Variants in GRID1 observed in about 807,000 individuals in gnomAD.
The protein encoded by GRID1 is glutamate ionotropic receptor delta type subunit 1.
In GRID1, 28 loss-of-function variants were observed where a neutral mutation model predicts 98.0. The ratio of observed to expected loss-of-function variants is 0.29; its 90% CI spans 0.21 to 0.39. GRID1 has a LOEUF of 0.39. Ranked by LOEUF, GRID1 falls within the 10% of genes least tolerant of loss-of-function variation. GRID1 has a pLI of 1.00. For synonymous variants in GRID1, 553 were observed against 538.5 expected (o/e 1.03, Z -0.37); for missense variants, 1,111 against 1,340.5 (o/e 0.83, Z 2.67).
intron 13 of GRID1, among the ~76,000 whole-genome samples, chr10:85,639,989 A>G (rs762441419): frequency 2.6e-5 from 4 of 152,250 alleles, no homozygotes; most frequent in Non-Finnish European, 5.9e-5. Flanking sequence ...TTTAGACCCT[A>G]TACATTGGTA....
chr10:86,035,842 A>C (rs1402605058), intron 4 of GRID1, among the ~76,000 whole-genome samples: 1 of 152,212 alleles, frequency 6.6e-6, no homozygotes, highest in Non-Finnish European at 1.5e-5. Context: ...GCCCAGTGAA[A>C]ATAGCAGGTG....
intron 4 of GRID1, among the ~76,000 whole-genome samples, chr10:85,943,058 G>C (rs189297445): frequency 8.5e-5 from 13 of 152,232 alleles, no homozygotes; most frequent in Non-Finnish European, 1.6e-4. Context: ...TTCAAAAATA[G>C]AGTTGCTTCC....
chr10:86,071,407 C>A (rs1053193696), intron 4 of GRID1, among the ~76,000 whole-genome samples: 3 of 152,216 alleles, frequency 2.0e-5, no homozygotes, highest in Non-Finnish European at 4.4e-5. Flanking sequence ...AGTTCCTTAA[C>A]CTCTGGGTCT....
intron 4 of GRID1, among the ~76,000 whole-genome samples, chr10:85,957,417 A>T (rs1247936349): frequency 1.3e-5 from 2 of 152,102 alleles, no homozygotes; most frequent in African/African-American, 4.8e-5. Flanking sequence ...ACGAGAAAGC[A>T]TTTAAGTGGC....
chr10:85,724,749 C>T, intron 10 of GRID1, 73 bp from the exon 11 acceptor site: 2 of 1,237,488 alleles, frequency 1.6e-6, no homozygotes, highest in Non-Finnish European at 2.3e-6. Context: ...GGTCAAGGTC[C>T]ACCCTCTGTC....
intron 8 of GRID1, among the ~76,000 whole-genome samples, chr10:85,773,712 C>T (rs1278492034): frequency 2.6e-5 from 4 of 152,314 alleles, no homozygotes; most frequent in South Asian, 4.1e-4. Flanking sequence ...CATGAGTGAA[C>T]TCTCATTTAC....
intron 4 of GRID1, among the ~76,000 whole-genome samples, chr10:86,004,147 T>C (rs949462858): frequency 2.6e-4 from 40 of 152,230 alleles, no homozygotes; most frequent in African/African-American, 9.2e-4. Context: ...CTAAGTTCCG[T>C]ACTAGGCAGA....
At chr10:86,335,428 T>C (rs1398607419) in intron 2 of GRID1, among the ~76,000 whole-genome samples, 5 of 152,260 alleles carry the variant, frequency 3.3e-5, no homozygotes, top group Non-Finnish European at 7.3e-5. Context: ...TGGGCTTCTT[T>C]ACTGCAGGAC....
chr10:86,070,857 A>G (rs138892677), intron 4 of GRID1, among the ~76,000 whole-genome samples: 2 of 152,286 alleles, frequency 1.3e-5, no homozygotes, highest in Non-Finnish European at 2.9e-5. Flanking sequence ...AGGCTAATGG[A>G]GAGAAACCAA....
chr10:85,628,059 A>G (rs1842932271), intron 13 of GRID1, among the ~76,000 whole-genome samples: 1 of 151,712 alleles, frequency 6.6e-6, no homozygotes, highest in South Asian at 2.1e-4. Flanking sequence ...CATATGTGTA[A>G]GTGTGAGGGA....
chr10:86,016,336 C>T (rs1373653222), intron 4 of GRID1, among the ~76,000 whole-genome samples: 5 of 151,654 alleles, frequency 3.3e-5, no homozygotes, highest in African/African-American at 9.7e-5. Flanking sequence ...TTAGTAGAGA[C>T]GGGGTTTCAC....
At chr10:86,104,355 C>T (rs895844667) in intron 4 of GRID1, among the ~76,000 whole-genome samples, 4 of 152,190 alleles carry the variant, frequency 2.6e-5, no homozygotes, top group African/African-American at 9.6e-5. Context: ...CAGACACCCA[C>T]GAGAAGGCCC....
chr10:86,100,455 A>C (rs532888360), intron 4 of GRID1, among the ~76,000 whole-genome samples: 1 of 152,220 alleles, frequency 6.6e-6, no homozygotes, highest in East Asian at 1.9e-4. Flanking sequence ...TGAAACTTAC[A>C]CTCCAGTGAG....
At chr10:85,757,825 G>A (rs985853677) in intron 8 of GRID1, among the ~76,000 whole-genome samples, 2 of 152,222 alleles carry the variant, frequency 1.3e-5, no homozygotes, top group Non-Finnish European at 2.9e-5. Flanking sequence ...AAGATTCAAT[G>A]ATAAGCCAAC....
chr10:85,636,471 C>T (rs1265079264), intron 13 of GRID1, among the ~76,000 whole-genome samples: 1 of 152,206 alleles, frequency 6.6e-6, no homozygotes, highest in African/African-American at 2.4e-5. Context: ...GACCGCTAAA[C>T]ATTCATGATC....
intron 8 of GRID1, among the ~76,000 whole-genome samples, chr10:85,821,758 G>T (rs544089008): frequency 5.9e-5 from 9 of 152,094 alleles, no homozygotes; most frequent in Middle Eastern, 3.4e-3. Context: ...AACAAAGCTG[G>T]AGGCATCACG....
chr10:86,283,063 C>T (rs1008589083), intron 2 of GRID1, among the ~76,000 whole-genome samples: 2 of 152,308 alleles, frequency 1.3e-5, no homozygotes, highest in South Asian at 4.1e-4. Flanking sequence ...AAGACACCAG[C>T]CCCCTACCCT....
intron 4 of GRID1, among the ~76,000 whole-genome samples, chr10:85,976,035 C>T (rs1173237454): frequency 4.6e-5 from 7 of 152,132 alleles, no homozygotes; most frequent in Non-Finnish European, 2.9e-5. Context: ...CAGCTCATCA[C>T]GGGGTGGGCA....
rs981116560 is a variant in GRID1 at position 85,856,033 on chromosome 10, T to C, written c.1109A>G (p.Lys370Arg). The change falls in exon 7 of 16, where the codon AAA becomes AGA. Residue 370 changes from lysine (K) to arginine (R), a missense_variant. By Grantham distance (26) the Lys-to-Arg change is conservative (BLOSUM62 2). Around this residue, in one of 3 missense-constraint regions of GRID1, gnomAD observed 762 missense variants for 869.1 expected, o/e 0.88. Coordinates refer to ENST00000327946, the MANE Select transcript of GRID1 (RefSeq NM_017551.3). ...GGGGTGCCCCCTCACACGTACCTTT[T>C]TGATGGTATCCAGCATGGACCTCCC... Reference protein sequence around the residue: ...NGGRSMLDTIKKGHITGLTGV... With the variant: ...NGGRSMLDTIRKGHITGLTGV... The C allele has an allele frequency of 3.7e-6, 6 of 1,613,698 alleles. No individual in the cohort carries two copies. Among genetic ancestry groups the C allele is most frequent in the Non-Finnish European group, 5.1e-6 (6 of 1,179,972 alleles).
Sources: gnomAD v4.1 joint callset for allele counts (sites outside exome capture counted in the v4.1 genomes callset) on GRCh38, gnomAD v4.1.1 for gene constraint, gnomAD v4.1.1 regional missense constraint, MANE v1.5 for transcripts, NCBI Gene and HGNC (gene_info 2026-07-23, HGNC 2026-07-21) for gene names.